The following PAX6 variants were observed in gnomAD, a reference collection of about 807,000 sequenced individuals.
PAX6 encodes paired box 6.
Under a neutral mutation model 60.7 loss-of-function variants are expected in PAX6, and 7 were observed. The observed-to-expected ratio is 0.12, with a 90% CI of 0.07 to 0.22. The LOEUF is 0.22. PAX6 is among the 10% of genes least tolerant of loss of function. The pLI, the probability that PAX6 is intolerant of heterozygous loss-of-function variation, is 1.00. For missense variants in PAX6, 355 were observed against 555.2 expected, an observed-to-expected ratio of 0.64 and a Z score of 3.62; for synonymous variants, 208 against 201.2, an observed-to-expected ratio of 1.03 and a Z score of -0.29.
rs756801119 is a variant in PAX6 at position 31,790,768 on chromosome 11, T to TG, written c.1166dup (p.His390ThrfsTer36). On this transcript the variant is annotated frameshift_variant, in exon 13 of 14. Coordinates refer to ENST00000640368, the MANE Select transcript of PAX6 (RefSeq NM_001368894.2). LOFTEE classifies it high-confidence loss of function. ...GACTGTTCATGTGTGTCTGCATATG[T>TG]GGGGGGGTGTAGGTATCATAACTCC... 3 of 1,613,616 alleles carry TG rather than the reference T, an allele frequency of 1.9e-6. No homozygotes were observed. Among genetic ancestry groups the TG allele is most frequent in the Admixed American group, 1.7e-5 (1 of 59,966 alleles).
In PAX6 at chr11:31,802,061, A is replaced by T. The variant is rs563032643; in HGVS notation, c.142-149T>A. On this transcript the variant is annotated intron_variant, in intron 5 of 13. Coordinates refer to ENST00000640368, the MANE Select transcript of PAX6 (RefSeq NM_001368894.2). ...AAAAACGAATTTAAAAGCTTTTTTT[A>T]AAAAAAAAACTTTTCTTAAACACTG... 5,434 of 665,028 alleles carry T rather than the reference A, an allele frequency of 8.2e-3. 38 individuals carry two copies. Among genetic ancestry groups the T allele is most frequent in the South Asian group, 0.011 (588 of 51,548 alleles). The allele number at this position is 665,028 out of a possible 1,614,324, so 41.2% of individuals were successfully genotyped here. A position where few individuals can be genotyped will look rare whatever the true frequency, so the allele number is the denominator to read the frequency against.
rs121907928 is a variant in PAX6 at position 31,801,561 on chromosome 11, G to A, written c.399C>T (p.Ser133=). 3 of 1,614,162 alleles carry A rather than the reference G, an allele frequency of 1.9e-6. No homozygotes were observed. Among genetic ancestry groups the A allele is most frequent in the Non-Finnish European group, 2.5e-6 (3 of 1,180,032 alleles). The change falls in exon 7 of 14, where the codon AGC becomes AGT. Residue 133 remains serine (S), a splice_region_variant and synonymous_variant. Transcript: ENST00000640368. ...GGGCAGATGTTCTCAATGAACTTAC[G>A]CTTGGTATGTTATCGTTGGTACAGA... ...EGVCTNDNIP[S]VSSINRVLRN...
At chr11:31,794,838 C>A in intron 8 of PAX6, 50 bp from the exon 9 acceptor site, 2 of 1,577,094 alleles carry the variant, frequency 1.3e-6, no homozygotes, top group Non-Finnish European at 1.7e-6. Context: ...TAACTTGGAG[C>A]CTCCAAAAGG....
intron 12 of PAX6, 197 bp downstream of exon 12, chr11:31,793,241 T>G (rs1321530106): frequency 5.7e-6 from 4 of 696,566 alleles, no homozygotes; most frequent in African/African-American, 1.8e-5. Flanking sequence ...ATTACTCATT[T>G]TTTTAGGGCA....
At chr11:31,801,113 C>T in intron 7 of PAX6, 1 of 826,770 alleles carries the variant, frequency 1.2e-6, no homozygotes, top group South Asian at 1.8e-5. Context: ...TGACCTAACT[C>T]ACACGGTTGC....
chr11:31,790,962 T>C (rs546218984), intron 12 of PAX6, 102 bp from the exon 13 acceptor site: 2 of 1,226,518 alleles, frequency 1.6e-6, no homozygotes, highest in African/African-American at 1.5e-5. Flanking sequence ...AGTCTGATCA[T>C]TAAAGATGCC....
At chr11:31,794,609 T>C in intron 9 of PAX6, 21 bp downstream of exon 9, 1 of 1,613,970 alleles carries the variant, frequency 6.2e-7, no homozygotes, top group Non-Finnish European at 8.5e-7. Flanking sequence ...ACTGCTTCTC[T>C]ACTTTGAAAA....
intron 8 of PAX6, 53 bp downstream of exon 8, chr11:31,800,638 A>G (rs1565232212): frequency 6.3e-7 from 1 of 1,599,980 alleles, no homozygotes; most frequent in Non-Finnish European, 8.6e-7. Flanking sequence ...AGTAGGGGAC[A>G]GGCAAAGGGA....
chr11:31,800,900 A>G (rs748783285), intron 7 of PAX6, 44 bp from the exon 8 acceptor site: 63 of 1,587,764 alleles, frequency 4.0e-5, no homozygotes, highest in Non-Finnish European at 5.4e-5. Flanking sequence ...GTGTCTCCTG[A>G]AGACACAGTC....
rs1956943115 is a variant in PAX6 at position 31,810,945 on chromosome 11, A to G, written c.-246T>C. 1 of 399,092 alleles carries G rather than the reference A, an allele frequency of 2.5e-6. No homozygotes were observed. The highest frequency in any genetic ancestry group is 2.1e-5 in the African/African-American group (1 of 48,624). The allele number at this position is 399,092 out of a possible 1,614,324, so 24.7% of individuals were successfully genotyped here. ...CAATGGTTTGAAATGACGGTGTTTT[A>G]AAGGAGTTGCTGGTGAGAGTTTTCT... is the stretch of plus-strand genomic sequence containing the variant. On this transcript the variant is annotated 5_prime_UTR_variant, in exon 2 of 14. Transcript: ENST00000640368.
intron 9 of PAX6, chr11:31,794,404 AACACACACACACACACCACACACAC>A (rs1950808004): frequency 1.7e-6 from 1 of 596,552 alleles, no homozygotes; most frequent in Non-Finnish European, 2.9e-6. Flanking sequence ...GAAAAGAAGA[AACACACACACACACACCACACACAC>A]ACACACACAC....
In PAX6 at chr11:31,789,704, G is replaced by A. The variant is rs1272348114; in HGVS notation, c.*230C>T. On this transcript the variant is annotated 3_prime_UTR_variant, in exon 14 of 14. Transcript: ENST00000640368. The stretch of plus-strand genomic sequence containing the variant: ...AATACACCAAAATGAATAAAAGTTT[G>A]GATACCAAAATGAAGATTTGTTCCA... 5.7e-6 allele frequency: 4 copies of A among 702,614 alleles called. No homozygotes were observed. Among genetic ancestry groups the A allele is most frequent in the Non-Finnish European group, 1.0e-5 (4 of 384,952 alleles). The allele number at this position is 702,614 out of a possible 1,614,324, so 43.5% of individuals were successfully genotyped here.
chr11:31,815,331 C>T (rs1456920212), upstream of PAX6, among the ~76,000 whole-genome samples: 1 of 152,214 alleles, frequency 6.6e-6, no homozygotes. Flanking sequence ...CCTCTGCCCC[C>T]AAGAGGCAAG....
chr11:31,798,113 T>C (rs546509756), intron 8 of PAX6, among the ~76,000 whole-genome samples: 1 of 152,130 alleles, frequency 6.6e-6, no homozygotes, highest in South Asian at 2.1e-4. Context: ...TTGCGGCACC[T>C]TTTCAGCTCT....
At chr11:31,806,357 C>A in intron 4 of PAX6, 45 bp downstream of exon 4, 1 of 1,593,714 alleles carries the variant, frequency 6.3e-7, no homozygotes, top group East Asian at 2.3e-5. Context: ...CCCTCGGGTC[C>A]GCGCACCCCG....
At chr11:31,798,218 A>G (rs1952295571) in intron 8 of PAX6, among the ~76,000 whole-genome samples, 1 of 143,302 alleles carries the variant, frequency 7.0e-6, no homozygotes, top group Non-Finnish European at 1.5e-5. Flanking sequence ...GGGTGGGGTG[A>G]GGGGAGGAGA....
In PAX6 at chr11:31,794,641, G is replaced by T. The variant is rs1333400256; in HGVS notation, c.713C>A (p.Ala238Asp). Residue 238 changes from alanine (A) to aspartate (D), a missense_variant, in exon 9 of 14, where the codon GCC (alanine) becomes GAC (aspartate). Ala to Asp is a moderately radical substitution (Grantham distance 126). Transcript: ENST00000640368. ...RTSFTQEQIE[A>D]LEKEFERTHY... Reference sequence around the variant, plus strand: ...AAAAACTCTATCACCTTTCTCCAGGGCCTCAATTTGCTCTTGGGTAAAGGA... The same window carrying T: ...AAAAACTCTATCACCTTTCTCCAGGTCCTCAATTTGCTCTTGGGTAAAGGA... 6.2e-7 allele frequency: 1 copy of T among 1,613,982 alleles called. No homozygotes were observed. Among genetic ancestry groups the T allele is most frequent in the African/African-American group, 1.3e-5 (1 of 74,876 alleles).
chr11:31,810,633 A>C, intron 2 of PAX6, 195 bp downstream of exon 2: 1 of 376,262 alleles, frequency 2.7e-6, no homozygotes, highest in South Asian at 1.5e-4. Flanking sequence ...GCTCGCCGGC[A>C]GTCGCCCTCC....
upstream of PAX6, among the ~76,000 whole-genome samples, chr11:31,815,822 G>A (rs1174545170): frequency 4.0e-5 from 6 of 151,666 alleles, no homozygotes; most frequent in African/African-American, 7.3e-5. Flanking sequence ...GGCGCTTTTC[G>A]TCACTTCCTA....
Sources: allele counts gnomAD v4.1 joint callset (sites outside exome capture counted in the v4.1 genomes callset), GRCh38; gene constraint gnomAD v4.1.1; transcripts MANE v1.5; gene names NCBI Gene and HGNC (gene_info 2026-07-23, HGNC 2026-07-21).